The following PXDNL variants were observed in gnomAD, a reference collection of about 807,000 sequenced individuals.
The protein encoded by PXDNL is probable oxidoreductase PXDNL.
PXDNL carries 145 observed loss-of-function variants against 150.8 expected under a neutral mutation model. The ratio of observed to expected loss-of-function variants is 0.96; its 90% CI spans 0.84 to 1.10. The LOEUF (loss-of-function observed/expected upper bound fraction) is 1.10, where lower values mean the gene tolerates loss of function less well. PXDNL is among the 50% of genes least tolerant of loss of function. The pLI is 0.00. For synonymous variants in PXDNL, 757 were observed against 725.7 expected (o/e 1.04, Z -0.69); for missense variants, 2,087 against 1,873.9 (o/e 1.11, Z -2.10).
At chr8:51,692,480 C>T (rs1816024706) in intron 1 of PXDNL, among the ~76,000 whole-genome samples, 1 of 152,150 alleles carries the variant, frequency 6.6e-6, no homozygotes, top group Admixed American at 6.5e-5. Flanking sequence ...GAAAGTATAA[C>T]ACATTTTCTT....
intron 5 of PXDNL, among the ~76,000 whole-genome samples, chr8:51,488,492 T>C (rs913963131): frequency 4.6e-5 from 7 of 152,158 alleles, no homozygotes; most frequent in African/African-American, 9.7e-5. Flanking sequence ...GACATACTGA[T>C]AGATGAGACA....
At chr8:51,706,453 A>G (rs146377697) in intron 1 of PXDNL, among the ~76,000 whole-genome samples, 2,449 of 152,330 alleles carry the variant, frequency 0.016, 17 homozygotes, top group Non-Finnish European at 0.02. Context: ...GGAACACCCA[A>G]TGCAAATTGG....
At chr8:51,746,096 TTTAGCAAGACTTTCTA>T (rs530206413) in intron 1 of PXDNL, among the ~76,000 whole-genome samples, 3 of 152,146 alleles carry the variant, frequency 2.0e-5, no homozygotes, top group Non-Finnish European at 2.9e-5. Context: ...TCCATAGATC[TTTAGCAAGACTTTCTA>T]TTAGCAAGAC....
chr8:51,660,975 G>C (rs1029565894), intron 1 of PXDNL, among the ~76,000 whole-genome samples: 1 of 152,138 alleles, frequency 6.6e-6, no homozygotes, highest in Non-Finnish European at 1.5e-5. Context: ...ATTTCAGGAC[G>C]GTGCTGGGAC....
intron 1 of PXDNL, among the ~76,000 whole-genome samples, chr8:51,689,890 A>G (rs1472547378): frequency 1.3e-5 from 2 of 152,242 alleles, no homozygotes; most frequent in Non-Finnish European, 2.9e-5. Flanking sequence ...CCTTCGGCAC[A>G]GGTTCACTGC....
chr8:51,560,933 A>G (rs994546270), intron 3 of PXDNL, among the ~76,000 whole-genome samples: 2 of 108,736 alleles, frequency 1.8e-5, no homozygotes, highest in African/African-American at 8.3e-5. Context: ...ACAACTCAAC[A>G]ACAACCAAAA....
rs775843783 is a variant in PXDNL at position 51,453,786 on chromosome 8, C to CTGA, written c.983-4_983-2dup. The stretch of plus-strand genomic sequence containing the variant: ...GGCTGGATTACAAAGCTTGGTTTGG[C>CTGA]TGATGGTAAAGGGGGAACAAAACGA... On this transcript the variant is annotated splice_acceptor_variant, in intron 9 of 22. Transcript: ENST00000356297. LOFTEE classifies it high-confidence loss of function. 7 of 1,613,434 alleles carry CTGA rather than the reference C, an allele frequency of 4.3e-6. No individual in the cohort carries two copies. In the South Asian group the frequency reaches 6.6e-5, roughly 15 times the overall value.
intron 17 of PXDNL, among the ~76,000 whole-genome samples, chr8:51,392,915 G>C (rs1391313071): frequency 1.3e-5 from 2 of 152,160 alleles, no homozygotes; most frequent in African/African-American, 4.8e-5. Context: ...CAATTTTAAT[G>C]TAAAGAGAAG....
chr8:51,731,819 T>G (rs1426651855), intron 1 of PXDNL, among the ~76,000 whole-genome samples: 2 of 152,324 alleles, frequency 1.3e-5, no homozygotes, highest in East Asian at 3.9e-4. Flanking sequence ...AGCTCTACTT[T>G]GGCCCCTTTT....
chr8:51,515,243 A>AG (rs1344841438), intron 4 of PXDNL, among the ~76,000 whole-genome samples: 1 of 152,158 alleles, frequency 6.6e-6, no homozygotes, highest in Non-Finnish European at 1.5e-5. Flanking sequence ...GCTCAGTGGA[A>AG]GAGAGCTTAG....
At chr8:51,616,616 G>C (rs1281897435) in intron 2 of PXDNL, among the ~76,000 whole-genome samples, 2 of 152,062 alleles carry the variant, frequency 1.3e-5, no homozygotes, top group Admixed American at 6.6e-5. Context: ...TTGTAGTATT[G>C]GCATATAACC....
At chr8:51,802,532 A>C (rs1019596515) in intron 1 of PXDNL, among the ~76,000 whole-genome samples, 15 of 152,200 alleles carry the variant, frequency 9.9e-5, no homozygotes, top group African/African-American at 3.6e-4. Flanking sequence ...TGTGTGGCCC[A>C]AGACAATTCT....
chr8:51,592,829 A>G, intron 2 of PXDNL, 131 bp from the exon 3 acceptor site: 5 of 544,838 alleles, frequency 9.2e-6, no homozygotes, highest in Non-Finnish European at 1.5e-5. Context: ...TAAATTTGGA[A>G]ATTTATACTT....
At chr8:51,780,124 A>G (rs141354160) in intron 1 of PXDNL, among the ~76,000 whole-genome samples, 131 of 152,262 alleles carry the variant, frequency 8.6e-4, no homozygotes, top group African/African-American at 3.0e-3. Context: ...AGGCAGGAGA[A>G]TCACTTGAAT....
At chr8:51,689,228 C>CATCT (rs1342903115) in intron 1 of PXDNL, among the ~76,000 whole-genome samples, 1 of 152,156 alleles carries the variant, frequency 6.6e-6, no homozygotes, top group Non-Finnish European at 1.5e-5. Flanking sequence ...GCAGGAGGAT[C>CATCT]ATCTGCCCAA....
intron 17 of PXDNL, among the ~76,000 whole-genome samples, chr8:51,388,006 T>A (rs1457008207): frequency 1.3e-5 from 2 of 152,198 alleles, no homozygotes; most frequent in African/African-American, 4.8e-5. Context: ...ACATTACAGA[T>A]CCTTTCTTAA....
At chr8:51,608,059 AAGC>A (rs1271020584) in intron 2 of PXDNL, among the ~76,000 whole-genome samples, 6,407 of 104,008 alleles carry the variant, frequency 0.062, 199 homozygotes, top group Middle Eastern at 0.08. Flanking sequence ...GAAAGAAAGC[AAGC>A]AAGCAAGCAA....
chr8:51,400,815 T>G (rs1808225867), intron 17 of PXDNL, among the ~76,000 whole-genome samples: 1 of 152,212 alleles, frequency 6.6e-6, no homozygotes, highest in South Asian at 2.1e-4. Flanking sequence ...TTATAATACA[T>G]CATAGTTCAT....
chr8:51,661,915 A>T (rs1490085894), intron 1 of PXDNL, among the ~76,000 whole-genome samples: 2 of 149,416 alleles, frequency 1.3e-5, no homozygotes, highest in Admixed American at 1.3e-4. Context: ...AGCAGCACTT[A>T]TACATAAAAA....
Sources: allele counts gnomAD v4.1 joint callset (sites outside exome capture counted in the v4.1 genomes callset), GRCh38; gene constraint gnomAD v4.1.1; transcripts MANE v1.5; gene names NCBI Gene and HGNC (gene_info 2026-07-23, HGNC 2026-07-21).